The following MED28 variants were observed in gnomAD, a reference collection of about 807,000 sequenced individuals.
The protein encoded by MED28 is mediator complex subunit 28.
MED28 carries 26 observed loss-of-function variants against 21.3 expected under a neutral mutation model. The ratio of observed to expected loss-of-function variants is 1.22; its 90% CI spans 0.89 to 1.69. MED28 has a LOEUF of 1.69. Ranked by LOEUF, MED28 falls within the 40% of genes most tolerant of loss-of-function variation. The pLI, the probability that MED28 is intolerant of heterozygous loss-of-function variation, is 0.00. For synonymous variants in MED28, 110 were observed against 87.6 expected, an observed-to-expected ratio of 1.26 and a Z score of -1.43; for missense variants, 257 against 215.4, an observed-to-expected ratio of 1.19 and a Z score of -1.21.
At position 17,621,718 on chromosome 4, in the gene MED28, C is replaced by T. The variant is rs111645923; in HGVS notation, c.339+19C>T. 1.3e-6 allele frequency: 2 copies of T among 1,514,008 alleles called. No individual in the cohort carries two copies. Among genetic ancestry groups the T allele is most frequent in the East Asian group, 2.3e-5 (1 of 44,328 alleles). 93.8% of individuals were successfully genotyped at this position (1,514,008 alleles called of 1,614,324 possible). A position where few individuals can be genotyped will look rare whatever the true frequency, so the allele number is the denominator to read the frequency against. On this transcript the variant is annotated intron_variant, in intron 3 of 3. Coordinates refer to ENST00000237380, the MANE Select transcript of MED28 (RefSeq NM_025205.5). The stretch of plus-strand genomic sequence containing the variant: ...CAAAGAGGTATGAACTCAGTTTTCT[C>T]CTCAGCTCTATAGGAAGAACTAAGT...
intron 1 of MED28, among the ~76,000 whole-genome samples, chr4:17,619,670 A>G (rs1714561316): frequency 6.6e-6 from 1 of 152,158 alleles, no homozygotes; most frequent in South Asian, 2.1e-4. Flanking sequence ...AGTAGGACAG[A>G]GACCAGATGT....
chr4:17,629,362 C>T lies in MED28; in HGVS notation c.*5564C>T, dbSNP rs1714858445. 1 of 152,210 alleles carries T rather than the reference C, an allele frequency of 6.6e-6. No individual in the cohort carries two copies. The highest frequency in any genetic ancestry group is 2.4e-5 in the African/African-American group (1 of 41,450). The allele number at this position is 152,210 out of a possible 1,614,324, so 9.4% of individuals were successfully genotyped here. A position where few individuals can be genotyped will look rare whatever the true frequency, so the allele number is the denominator to read the frequency against. On this transcript the variant is annotated 3_prime_UTR_variant, in exon 4 of 4. Transcript: ENST00000237380. ...ATAGTTCCATTTAATTTGCCAGCCT[C>T]ATCTGCAGAATCCAGATGGATCCTG... is the stretch of plus-strand genomic sequence containing the variant.
At chr4:17,616,554 C>CTG (rs1213247032) in intron 1 of MED28, among the ~76,000 whole-genome samples, 3 of 152,180 alleles carry the variant, frequency 2.0e-5, no homozygotes, top group Admixed American at 2.0e-4. Flanking sequence ...GCGTTCTCTC[C>CTG]TTCAGACTCG....
rs1262161096 is a variant in MED28, at chr4:17,634,076, ATATG to A, written c.*10284_*10287del. On this transcript the variant is annotated 3_prime_UTR_variant, in exon 4 of 4. Coordinates refer to ENST00000237380, the MANE Select transcript of MED28 (RefSeq NM_025205.5). Reference sequence around the variant, plus strand: ...AATCTTCATTTTGTATTATAAATAAATATGTATGTTCACAACCTCTTAACCAAAA... The same window carrying A: ...AATCTTCATTTTGTATTATAAATAAATATGTTCACAACCTCTTAACCAAAA... 12 of 457,912 alleles carry A rather than the reference ATATG, an allele frequency of 2.6e-5. No homozygotes were observed. Among genetic ancestry groups the A allele is most frequent in the African/African-American group, 1.8e-4 (9 of 49,244 alleles). 28.4% of individuals were successfully genotyped at this position (457,912 alleles called of 1,614,324 possible).
At position 17,630,672 on chromosome 4, in the gene MED28, G is replaced by A. The variant is rs1369485539; in HGVS notation, c.*6874G>A. On this transcript the variant is annotated 3_prime_UTR_variant, in exon 4 of 4. Coordinates refer to ENST00000237380, the MANE Select transcript of MED28 (RefSeq NM_025205.5). ...GTGAAAAACAGTATGGTGTGTTAAT[G>A]TATGGTGACAAGTGTTTGTTTGCAT... 6.6e-6 allele frequency: 1 copy of A among 152,216 alleles called. No homozygotes were observed. Among genetic ancestry groups the A allele is most frequent in the East Asian group, 1.9e-4 (1 of 5,200 alleles). The allele number at this position is 152,216 out of a possible 1,614,324, so 9.4% of individuals were successfully genotyped here. A position where few individuals can be genotyped will look rare whatever the true frequency, so the allele number is the denominator to read the frequency against.
In MED28 at chr4:17,632,762, T is replaced by C; in HGVS notation, c.*8964T>C. On this transcript the variant is annotated 3_prime_UTR_variant, in exon 4 of 4. Coordinates refer to ENST00000237380, the MANE Select transcript of MED28 (RefSeq NM_025205.5). ...CCCAAATGGGACTGGCCAACATTAG[T>C]AGTGGGAAACAAATTGTAAAGGATG... is the stretch of plus-strand genomic sequence containing the variant. 1.7e-6 allele frequency: 1 copy of C among 590,928 alleles called. No individual in the cohort carries two copies. Among genetic ancestry groups the C allele is most frequent in the Non-Finnish European group, 3.0e-6 (1 of 333,224 alleles). 36.6% of individuals were successfully genotyped at this position (590,928 alleles called of 1,614,324 possible).
In MED28 at chr4:17,632,643, T is replaced by G. The variant is rs1308773788; in HGVS notation, c.*8845T>G. 1 of 1,079,778 alleles carries G rather than the reference T, an allele frequency of 9.3e-7. No homozygotes were observed. The highest frequency in any genetic ancestry group is 2.9e-5 in the East Asian group (1 of 33,912). The allele number at this position is 1,079,778 out of a possible 1,614,324, so 66.9% of individuals were successfully genotyped here. A position where few individuals can be genotyped will look rare whatever the true frequency, so the allele number is the denominator to read the frequency against. On this transcript the variant is annotated 3_prime_UTR_variant, in exon 4 of 4. Coordinates refer to ENST00000237380, the MANE Select transcript of MED28 (RefSeq NM_025205.5). ...CTGGGGTCCTAAAAGCAAAAAAAGG[T>G]TTTTTTATATGGTTTTGAAAACTAT...
Position 17,626,243 on chromosome 4 carries a change from A to C in MED28, c.*2445A>C, listed in dbSNP as rs1408533064. 6.6e-6 allele frequency: 1 copy of C among 152,502 alleles called. No individual in the cohort carries two copies. Among genetic ancestry groups the C allele is most frequent in the Non-Finnish European group, 1.5e-5 (1 of 68,298 alleles). 9.4% of individuals were successfully genotyped at this position (152,502 alleles called of 1,614,324 possible). On this transcript the variant is annotated 3_prime_UTR_variant, in exon 4 of 4. Transcript: ENST00000237380. ...CAAGAGTGAAACTCCGTCTCAAAAA[A>C]GAAAAAGGAGATGTTGAATGGGAAG...
rs1714403297 is a variant in MED28, at chr4:17,614,923, G to C, written c.159+110G>C. On this transcript the variant is annotated intron_variant, in intron 1 of 3. Coordinates refer to ENST00000237380, the MANE Select transcript of MED28 (RefSeq NM_025205.5). ...ATCCGAGCAACTAATTCACAAATGG[G>C]GAAACTGAGGCTTAAAGTAAGTCAC... is the stretch of plus-strand genomic sequence containing the variant. 1.5e-5 allele frequency: 20 copies of C among 1,298,276 alleles called. No homozygotes were observed. In the South Asian group the frequency reaches 2.8e-4, roughly 18 times the overall value. The allele number at this position is 1,298,276 out of a possible 1,614,324, so 80.4% of individuals were successfully genotyped here. A position where few individuals can be genotyped will look rare whatever the true frequency, so the allele number is the denominator to read the frequency against.
chr4:17,617,537 C>T (rs540916617), intron 1 of MED28, among the ~76,000 whole-genome samples: 4 of 152,268 alleles, frequency 2.6e-5, no homozygotes, highest in South Asian at 2.1e-4. Flanking sequence ...GAAAGCCAGC[C>T]GTTGGGTTTG....
rs1398917000 is a variant in MED28, at chr4:17,625,486, T to A, written c.*1688T>A. 1.8e-5 allele frequency: 5 copies of A among 270,544 alleles called. No homozygotes were observed. Among genetic ancestry groups the A allele is most frequent in the African/African-American group, 6.8e-5 (3 of 43,928 alleles). 16.8% of individuals were successfully genotyped at this position (270,544 alleles called of 1,614,324 possible). A position where few individuals can be genotyped will look rare whatever the true frequency, so the allele number is the denominator to read the frequency against. On this transcript the variant is annotated 3_prime_UTR_variant, in exon 4 of 4. Coordinates refer to ENST00000237380, the MANE Select transcript of MED28 (RefSeq NM_025205.5). ...TGACTAAAAACCTAAATAAACTGAT[T>A]AGGTTTTAGGCGTTCTTTCAAAGAG...
At chr4:17,618,539 C>G (rs1008441171) in intron 1 of MED28, among the ~76,000 whole-genome samples, 5 of 152,182 alleles carry the variant, frequency 3.3e-5, no homozygotes, top group East Asian at 1.9e-4. Context: ...TTTTTTGAGA[C>G]AGATTCTCGC....
chr4:17,631,194 C>T lies in MED28; in HGVS notation c.*7396C>T, dbSNP rs138777171. ...AGGCAAATGGCTCAAACCCAAAGAC[C>T]AGAGGTTCAGGGGATATATATATAT... On this transcript the variant is annotated 3_prime_UTR_variant, in exon 4 of 4. Transcript: ENST00000237380. 6.6e-6 allele frequency: 1 copy of T among 152,200 alleles called. No homozygotes were observed. The highest frequency in any genetic ancestry group is 2.4e-5 in the African/African-American group (1 of 41,488). 9.4% of individuals were successfully genotyped at this position (152,200 alleles called of 1,614,324 possible).
chr4:17,615,139 G>A (rs1162238728), intron 1 of MED28, among the ~76,000 whole-genome samples: 1 of 152,200 alleles, frequency 6.6e-6, no homozygotes, highest in Non-Finnish European at 1.5e-5. Flanking sequence ...TTAGTAAGAG[G>A]CTCAAGCCTT....
intron 2 of MED28, among the ~76,000 whole-genome samples, chr4:17,620,527 T>TTCGCCATGTTGGCCAGGCTGG (rs1435877225): frequency 1.3e-5 from 2 of 152,146 alleles, no homozygotes; most frequent in African/African-American, 2.4e-5. Flanking sequence ...GAGACGGGGT[T>TTCGCCATGTTGGCCAGGCTGG]TCGCCATGTT....
chr4:17,629,885 T>C lies in MED28; in HGVS notation c.*6087T>C, dbSNP rs62298070. 6.6e-6 allele frequency: 1 copy of C among 152,202 alleles called. No individual in the cohort carries two copies. The highest frequency in any genetic ancestry group is 1.5e-5 in the Non-Finnish European group (1 of 68,028). 9.4% of individuals were successfully genotyped at this position (152,202 alleles called of 1,614,324 possible). A position where few individuals can be genotyped will look rare whatever the true frequency, so the allele number is the denominator to read the frequency against. On this transcript the variant is annotated 3_prime_UTR_variant, in exon 4 of 4. Coordinates refer to ENST00000237380, the MANE Select transcript of MED28 (RefSeq NM_025205.5). ...GTTAGAAACTTTCTGAATGGCAGTT[T>C]GGTAATAACAAACAAAAAGCTTAAG...
chr4:17,623,509 C>T (rs1714691604), intron 3 of MED28, 92 bp from the exon 4 acceptor site: 1 of 1,242,708 alleles, frequency 8.0e-7, no homozygotes, highest in South Asian at 1.3e-5. Flanking sequence ...AATGGATTCT[C>T]TTTGTTTTGA....
At chr4:17,618,633 C>T (rs978048007) in intron 1 of MED28, among the ~76,000 whole-genome samples, 2 of 152,178 alleles carry the variant, frequency 1.3e-5, no homozygotes, top group Admixed American at 6.5e-5. Flanking sequence ...TCTCCTGCCT[C>T]AGCCTCCCGA....
In MED28 at chr4:17,626,429, T is replaced by A. The variant is rs1226943211; in HGVS notation, c.*2631T>A. 2 of 152,198 alleles carry A rather than the reference T, an allele frequency of 1.3e-5. No homozygotes were observed. Among genetic ancestry groups the A allele is most frequent in the Non-Finnish European group, 2.9e-5 (2 of 68,064 alleles). The allele number at this position is 152,198 out of a possible 1,614,324, so 9.4% of individuals were successfully genotyped here. On this transcript the variant is annotated 3_prime_UTR_variant, in exon 4 of 4. Transcript: ENST00000237380. ...CTTTAACCTTTGGCAGAAGCAGGAT[T>A]TGAAGTGAGTTTTCACACCCCTCTT...
Sources: gnomAD v4.1 joint callset for allele counts (sites outside exome capture counted in the v4.1 genomes callset) on GRCh38, gnomAD v4.1.1 for gene constraint, MANE v1.5 for transcripts, NCBI Gene and HGNC (gene_info 2026-07-23, HGNC 2026-07-21) for gene names.